The following SYNE2 variants were observed in gnomAD, a reference collection of about 807,000 sequenced individuals.
SYNE2 encodes the protein nesprin-2.
In SYNE2, 431 loss-of-function variants were observed where a neutral mutation model predicts 856.3. The observed-to-expected ratio is 0.50, with a 90% CI of 0.47 to 0.55. The LOEUF (loss-of-function observed/expected upper bound fraction) is 0.55. Among genes scored for constraint, SYNE2 ranks in the 20% least tolerant of loss-of-function variants. SYNE2 has a pLI of 0.00. For missense variants in SYNE2, 8,129 were observed against 8,023.2 expected (o/e 1.01, Z -0.50); for synonymous variants, 2,923 against 2,872.3 (o/e 1.02, Z -0.56).
chr14:64,179,694 T>C (rs867561784), intron 96 of SYNE2, among the ~76,000 whole-genome samples: 8 of 152,346 alleles, frequency 5.3e-5, no homozygotes, highest in Non-Finnish European at 7.3e-5. Flanking sequence ...GAATTGCCTA[T>C]TTGTGCCTTT....
At chr14:63,801,361 C>T (rs1027928418) in intron 1 of SYNE2, among the ~76,000 whole-genome samples, 4 of 151,964 alleles carry the variant, frequency 2.6e-5, no homozygotes, top group South Asian at 4.1e-4. Context: ...CAATAACTTA[C>T]GGAGAAATAA....
intron 66 of SYNE2, among the ~76,000 whole-genome samples, chr14:64,115,271 G>A (rs61984148): frequency 0.022 from 3,387 of 152,200 alleles, 47 homozygotes; most frequent in African/African-American, 0.037. Context: ...GCTTTATTTG[G>A]GCAGCATTTT....
intron 11 of SYNE2, among the ~76,000 whole-genome samples, chr14:63,974,890 G>GTATATATATATACATATATA (rs1281921502): frequency 1.5e-4 from 4 of 27,506 alleles, no homozygotes; most frequent in African/African-American, 4.8e-4. Flanking sequence ...GTGTGTGTGT[G>GTATATATATATACATATATA]TGTATATATA....
intron 1 of SYNE2, among the ~76,000 whole-genome samples, chr14:63,808,053 C>A (rs1490561229): frequency 9.7e-6 from 1 of 102,624 alleles, no homozygotes; most frequent in Non-Finnish European, 1.8e-5. Context: ...TTACATCATT[C>A]TTATGCCTTT....
At chr14:64,195,781 A>G (rs1050271607) in intron 99 of SYNE2, among the ~76,000 whole-genome samples, 2 of 152,218 alleles carry the variant, frequency 1.3e-5, no homozygotes, top group African/African-American at 2.4e-5. Context: ...ACACCAAACA[A>G]TGCTGCTAGT....
chr14:63,774,898 G>A (rs139158174), intron 1 of SYNE2, among the ~76,000 whole-genome samples: 1 of 152,234 alleles, frequency 6.6e-6, no homozygotes, highest in Admixed American at 6.5e-5. Context: ...GACATGATCT[G>A]TGTCTCCAAG....
intron 18 of SYNE2, among the ~76,000 whole-genome samples, chr14:63,985,178 A>G (rs953917417): frequency 1.3e-5 from 2 of 151,962 alleles, no homozygotes; most frequent in African/African-American, 4.8e-5. Flanking sequence ...AAAAATACAA[A>G]AATTAGCTGG....
chr14:64,007,155 A>G lies in SYNE2; in HGVS notation c.4510A>G (p.Thr1504Ala), dbSNP rs2153513183. Residue 1504 changes from threonine to alanine, a missense_variant, in exon 31 of 116, where the codon ACC (threonine) becomes GCC (alanine). Coordinates refer to ENST00000555002, the MANE Select transcript of SYNE2 (RefSeq NM_182914.3). ...LPHFKDGREK[T>A]VNQQCQNTVV... ...ACACTTCAAAGATGGCAGAGAAAAAACCGTGAATCAACAGTGCCAAAATAC... is the reference window on the plus strand; with the variant it reads ...ACACTTCAAAGATGGCAGAGAAAAAGCCGTGAATCAACAGTGCCAAAATAC... 6.2e-7 allele frequency: 1 copy of G among 1,614,112 alleles called. No individual in the cohort carries two copies.
chr14:64,182,923 G>T (rs2098465874), intron 96 of SYNE2, among the ~76,000 whole-genome samples: 1 of 152,220 alleles, frequency 6.6e-6, no homozygotes, highest in Admixed American at 6.5e-5. Flanking sequence ...CGGGGTGACG[G>T]CTGGGCAGAG....
At chr14:64,190,339 A>G (rs2098512377) in intron 99 of SYNE2, 102 bp downstream of exon 99, 5 of 1,508,452 alleles carry the variant, frequency 3.3e-6, no homozygotes. Flanking sequence ...CAGCAATTTT[A>G]TAAGTTTACA....
At chr14:63,863,535 A>T (rs1894320493) in intron 1 of SYNE2, among the ~76,000 whole-genome samples, 1 of 152,190 alleles carries the variant, frequency 6.6e-6, no homozygotes, top group Non-Finnish European at 1.5e-5. Context: ...TTTTTATCTT[A>T]ATTGTACATT....
chr14:63,995,261 T>TTG, intron 23 of SYNE2, 59 bp downstream of exon 23: 1 of 1,454,624 alleles, frequency 6.9e-7, no homozygotes, highest in Non-Finnish European at 9.6e-7. Flanking sequence ...TCTTAAATGG[T>TTG]TGTGTGTATC....
At chr14:64,180,952 G>A (rs184330023) in intron 96 of SYNE2, among the ~76,000 whole-genome samples, 1 of 152,148 alleles carries the variant, frequency 6.6e-6, no homozygotes, top group Admixed American at 6.5e-5. Context: ...AATGTAATTG[G>A]TCTTTGCATA....
intron 85 of SYNE2, among the ~76,000 whole-genome samples, chr14:64,158,369 G>A (rs1054338966): frequency 6.6e-6 from 1 of 152,120 alleles, no homozygotes. Context: ...CTTTCCCTGG[G>A]CTGTCTCTTC....
In SYNE2 at chr14:64,162,292, A is replaced by G. The variant is rs762774646; in HGVS notation, c.16299+16A>G. Reference sequence around the variant, plus strand: ...GGACATAAAGGTGGGTACAAAGCCCATTTGGAAAACCAAGGCCAAGTCAGC... The same window carrying G: ...GGACATAAAGGTGGGTACAAAGCCCGTTTGGAAAACCAAGGCCAAGTCAGC... On this transcript the variant is annotated intron_variant, in intron 88 of 115. Coordinates refer to ENST00000555002, the MANE Select transcript of SYNE2 (RefSeq NM_182914.3). 7 of 1,613,872 alleles carry G rather than the reference A, an allele frequency of 4.3e-6. No individual in the cohort carries two copies. The highest frequency in any genetic ancestry group is 2.2e-5 in the South Asian group (2 of 91,058).
At position 64,007,214 on chromosome 14, in the gene SYNE2, C is replaced by A; in HGVS notation, c.4569C>A (p.Val1523=). Residue 1523 remains valine (V), a synonymous_variant, in exon 31 of 116, where the codon GTC becomes GTA. Transcript: ENST00000555002. ...VVLWENTKAL[V]TECLEQCGRV... The stretch of plus-strand genomic sequence containing the variant: ...TGTGGGAGAATACCAAAGCCTTGGT[C>A]ACCGAATGGTAAGGAAAAAAAAGAA... The A allele has an allele frequency of 6.2e-7, 1 of 1,613,830 alleles. No homozygotes were observed. The highest frequency in any genetic ancestry group is 1.1e-5 in the South Asian group (1 of 91,056).
At chr14:63,804,251 A>G (rs188597239) in intron 1 of SYNE2, among the ~76,000 whole-genome samples, 34 of 152,208 alleles carry the variant, frequency 2.2e-4, no homozygotes, top group Admixed American at 5.2e-4. Flanking sequence ...TAAGTTCCCT[A>G]TAGGTTCTGG....
rs2096710723 is a variant in SYNE2, at chr14:63,995,901, C to T, written c.2940+699C>T. ...GTTTTGCTTTTGAAGAAGGGGTCTC[C>T]ACCTCCACTTTTGGCTAATTCCGTG... On this transcript the variant is annotated intron_variant, in intron 23 of 115. Transcript: ENST00000555002. Among the ~76,000 whole-genome samples the T allele has an allele frequency of 2.6e-5, 4 of 152,034 alleles. 1 individual carries two copies. In the South Asian group the frequency reaches 8.3e-4, roughly 32 times the overall value.
chr14:63,859,544 C>T (rs542370760), intron 1 of SYNE2, among the ~76,000 whole-genome samples: 11 of 152,270 alleles, frequency 7.2e-5, no homozygotes, highest in South Asian at 2.1e-4. Context: ...ATTGGCTGGG[C>T]GTGGTGGCTC....
Sources: gnomAD v4.1 joint callset for allele counts (sites outside exome capture counted in the v4.1 genomes callset) on GRCh38, gnomAD v4.1.1 for gene constraint, MANE v1.5 for transcripts, NCBI Gene and HGNC (gene_info 2026-07-23, HGNC 2026-07-21) for gene names.